FRG1: variants seen among roughly 807,000 people sequenced by gnomAD.
FRG1 encodes the protein protein FRG1.
Under a neutral mutation model 37.0 loss-of-function variants are expected in FRG1, and 19 were observed. That is an observed-to-expected ratio of 0.51 (90% CI 0.36 to 0.75). The LOEUF (loss-of-function observed/expected upper bound fraction) is 0.75. Among genes scored for constraint, FRG1 ranks in the 30% least tolerant of loss-of-function variants. FRG1 has a pLI of 0.00. For missense variants in FRG1, 243 were observed against 301.4 expected, an observed-to-expected ratio of 0.81 and a Z score of 1.44; for synonymous variants, 73 against 96.5, an observed-to-expected ratio of 0.76 and a Z score of 1.43.
chr4:189,953,878 G>T (rs1736867872), intron 4 of FRG1, among the ~76,000 whole-genome samples: 1 of 152,062 alleles, frequency 6.6e-6, no homozygotes, highest in East Asian at 1.9e-4. Flanking sequence ...GTTTTAAACT[G>T]CTTTACAATT....
chr4:189,943,033 C>T (rs540910970), intron 1 of FRG1, among the ~76,000 whole-genome samples, 169 bp from the exon 2 acceptor site: 2 of 152,250 alleles, frequency 1.3e-5, no homozygotes, highest in Admixed American at 1.3e-4. Context: ...ATGTGCAAAG[C>T]CTGAAGCAAC....
At chr4:189,944,361 A>T (rs1469747342) in intron 2 of FRG1, among the ~76,000 whole-genome samples, 1 of 152,028 alleles carries the variant, frequency 6.6e-6, no homozygotes, top group Admixed American at 6.5e-5. Flanking sequence ...TGTTTTTAGT[A>T]GCAACAGGGT....
intron 2 of FRG1, among the ~76,000 whole-genome samples, chr4:189,943,853 G>A (rs1056639053): frequency 2.9e-4 from 44 of 151,984 alleles, no homozygotes; most frequent in Non-Finnish European, 2.1e-4. Context: ...ATAAATTATG[G>A]TAACTTAATA....
chr4:189,941,707 TGA>T (rs1438608315), intron 1 of FRG1: 1 of 239,472 alleles, frequency 4.2e-6, no homozygotes, highest in Non-Finnish European at 8.6e-6. Context: ...GAGGATTAAA[TGA>T]GAGAACATAT....
intron 2 of FRG1, among the ~76,000 whole-genome samples, chr4:189,946,143 G>C (rs560356998): frequency 6.6e-6 from 1 of 152,184 alleles, no homozygotes; most frequent in African/African-American, 2.4e-5. Flanking sequence ...TCCTGGATCA[G>C]TCAGTCTAGC....
chr4:189,959,443 T>C (rs2126822472), intron 6 of FRG1, among the ~76,000 whole-genome samples: 1 of 152,236 alleles, frequency 6.6e-6, no homozygotes, highest in South Asian at 2.1e-4. Flanking sequence ...TTTCAAGGTG[T>C]GGTAAGACAG....
chr4:189,943,157 C>A, intron 1 of FRG1, 45 bp from the exon 2 acceptor site: 1 of 1,496,064 alleles, frequency 6.7e-7, no homozygotes. Flanking sequence ...ATTTATCGTA[C>A]AAATCAATAT....
intron 5 of FRG1, among the ~76,000 whole-genome samples, chr4:189,955,855 G>T (rs111878271): frequency 1.3e-5 from 2 of 152,154 alleles, no homozygotes; most frequent in African/African-American, 4.8e-5. Flanking sequence ...TGGGCACCAC[G>T]CAGAGCAAGC....
Position 189,940,946 on chromosome 4 carries a change from G to T in FRG1, c.-64G>T, listed in dbSNP as rs1355035954. ...TTCTGTTTCTCCGCGCCCCTGTGCT[G>T]CCCCGACTCACATACTCGTCCAGAA... is the stretch of plus-strand genomic sequence containing the variant. On this transcript the variant is annotated 5_prime_UTR_variant, in exon 1 of 9. Transcript: ENST00000226798. The T allele has an allele frequency of 1.1e-5, 15 of 1,350,984 alleles. No homozygotes were observed. Among genetic ancestry groups the T allele is most frequent in the East Asian group, 4.6e-5 (2 of 43,176 alleles). 83.7% of individuals were successfully genotyped at this position (1,350,984 alleles called of 1,614,324 possible).
chr4:189,941,025 T>C lies in FRG1; in HGVS notation c.16T>C (p.Tyr6His), dbSNP rs201592700. Residue 6 changes from tyrosine (Y) to histidine (H), a missense_variant, in exon 1 of 9, where the codon TAC becomes CAC. Physicochemically the swap from Tyr to His is moderately conservative, Grantham distance 83. This residue lies in a region of FRG1 where 110 missense variants were observed against 102.2 expected (regional missense o/e 1.08). Transcript: ENST00000226798. ...TCCCGGAGCCATGGCCGAGTACTCC[T>C]ACGTGAAGTCTACCAAGCTCGTGCT... Reference protein sequence around the residue: MAEYSYVKSTKLVLKG... With the variant: MAEYSHVKSTKLVLKG... 1 of 1,614,086 alleles carries C rather than the reference T, an allele frequency of 6.2e-7. No individual in the cohort carries two copies. Among genetic ancestry groups the C allele is most frequent in the South Asian group, 1.1e-5 (1 of 91,084 alleles).
chr4:189,941,063 G>A lies in FRG1; in HGVS notation c.54G>A (p.Lys18=), dbSNP rs758115600. 6.2e-7 allele frequency: 1 copy of A among 1,614,082 alleles called. No homozygotes were observed. The highest frequency in any genetic ancestry group is 1.3e-5 in the African/African-American group (1 of 75,056). ...KSTKLVLKGT[K]TKSKKKKSKD... is the part of the protein sequence containing the mutation. The stretch of plus-strand genomic sequence containing the variant: ...CCAAGCTCGTGCTCAAGGGAACCAA[G>A]ACGAAGAGGTGGGTCCTGCAGCTTG... Residue 18 remains lysine (K), a synonymous_variant, in exon 1 of 9, where the codon AAG becomes AAA. Coordinates refer to ENST00000226798, the MANE Select transcript of FRG1 (RefSeq NM_004477.3).
intron 2 of FRG1, among the ~76,000 whole-genome samples, chr4:189,946,623 A>G (rs1736540100): frequency 6.6e-6 from 1 of 152,040 alleles, no homozygotes; most frequent in African/African-American, 2.4e-5. Context: ...TTTTCATTCC[A>G]TTCAAAATAT....
At position 189,944,270 on chromosome 4, in the gene FRG1, G is replaced by A. The variant is rs202110722; in HGVS notation, c.133+998G>A. ...CGGTTCACTGCAAGCTCCACCTCCC[G>A]GGTTCATGCCATTCTGCTGCCTCAG... is the stretch of plus-strand genomic sequence containing the variant. On this transcript the variant is annotated intron_variant, in intron 2 of 8. Coordinates refer to ENST00000226798, the MANE Select transcript of FRG1 (RefSeq NM_004477.3). Among the ~76,000 whole-genome samples the A allele has an allele frequency of 1.1e-4, 16 of 152,060 alleles. 1 individual carries two copies. Among genetic ancestry groups the A allele is most frequent in the Admixed American group, 3.9e-4 (6 of 15,258 alleles).
At chr4:189,957,345 G>A (rs879046671) in intron 5 of FRG1, 53 bp from the exon 6 acceptor site, 2 of 1,543,634 alleles carry the variant, frequency 1.3e-6, no homozygotes. Context: ...AACACTTAAT[G>A]TTTCTCCCAC....
rs780915849 is a variant in FRG1 at position 189,960,867 on chromosome 4, C to A, written c.629+28C>A. 7 of 1,598,278 alleles carry A rather than the reference C, an allele frequency of 4.4e-6. No homozygotes were observed. The South Asian group carries it at 7.9e-5, about 18-fold the overall frequency. ...ATGTATTCTTTTCCTTTTAGACCTA[C>A]AGATTTGACAGTGAAGTGCTTCTCA... On this transcript the variant is annotated intron_variant, in intron 7 of 8. Coordinates refer to ENST00000226798, the MANE Select transcript of FRG1 (RefSeq NM_004477.3).
chr4:189,948,113 C>T (rs1307187200), intron 2 of FRG1, among the ~76,000 whole-genome samples: 12 of 152,136 alleles, frequency 7.9e-5, no homozygotes, highest in African/African-American at 2.4e-4. Flanking sequence ...TTTGTCCTTC[C>T]ACATGGTTTT....
Position 189,950,852 on chromosome 4 carries a change from T to C in FRG1, c.134-1310T>C, listed in dbSNP as rs138966020. Among the ~76,000 whole-genome samples the C allele has an allele frequency of 4.4e-3, 676 of 152,302 alleles. 4 individuals carry two copies. Among genetic ancestry groups the C allele is most frequent in the African/African-American group, 0.016 (648 of 41,566 alleles). On this transcript the variant is annotated intron_variant, in intron 2 of 8. Coordinates refer to ENST00000226798, the MANE Select transcript of FRG1 (RefSeq NM_004477.3). ...GTAAAATCACAGATGTTATGTCATT[T>C]TACCCATGAGTACATAAACGTACAT...
chr4:189,958,281 T>G (rs1412413698), intron 6 of FRG1, among the ~76,000 whole-genome samples: 1 of 152,112 alleles, frequency 6.6e-6, no homozygotes, highest in African/African-American at 2.4e-5. Context: ...ATGCATCAGT[T>G]TGTAGATGTG....
At chr4:189,960,080 C>CA (rs1392580811) in intron 6 of FRG1, among the ~76,000 whole-genome samples, 1 of 152,168 alleles carries the variant, frequency 6.6e-6, no homozygotes, top group Non-Finnish European at 1.5e-5. Context: ...TTTGCACAAA[C>CA]ACGTTATTTG....
Sources: gnomAD v4.1 joint callset for allele counts (sites outside exome capture counted in the v4.1 genomes callset) on GRCh38, gnomAD v4.1.1 for gene constraint, gnomAD v4.1.1 regional missense constraint, MANE v1.5 for transcripts, NCBI Gene and HGNC (gene_info 2026-07-23, HGNC 2026-07-21) for gene names.